The following EVI5 variants were observed in gnomAD, a reference collection of about 807,000 sequenced individuals.
EVI5 encodes the protein ecotropic viral integration site 5, also known as ecotropic viral integration site 5 protein homolog.
EVI5 carries 73 observed loss-of-function variants against 112.0 expected under a neutral mutation model. The ratio of observed to expected loss-of-function variants is 0.65; its 90% CI spans 0.54 to 0.79. The LOEUF (loss-of-function observed/expected upper bound fraction) is 0.79, where lower values mean the gene tolerates loss of function less well. Among genes scored for constraint, EVI5 ranks in the 30% least tolerant of loss-of-function variants. The pLI, the probability that EVI5 is intolerant of heterozygous loss-of-function variation, is 0.00. For missense variants in EVI5, 900 were observed against 968.8 expected (o/e 0.93, Z 0.94); for synonymous variants, 305 against 319.9 (o/e 0.95, Z 0.50).
At chr1:92,667,175 TTCAGGAGGC>T (rs1294792610) in intron 10 of EVI5, among the ~76,000 whole-genome samples, 1 of 152,030 alleles carries the variant, frequency 6.6e-6, no homozygotes, top group Non-Finnish European at 1.5e-5. Flanking sequence ...GTCCCAGCTA[TTCAGGAGGC>T]TCAGGGGGAA....
chr1:92,780,921 G>A (rs1486612678), intron 1 of EVI5, among the ~76,000 whole-genome samples: 8 of 150,474 alleles, frequency 5.3e-5, no homozygotes, highest in Admixed American at 1.3e-4. Flanking sequence ...GCACAATCTC[G>A]GCTCACTGCA....
intron 19 of EVI5, among the ~76,000 whole-genome samples, chr1:92,545,716 T>C (rs1665575016): frequency 1.3e-5 from 2 of 152,206 alleles, no homozygotes; most frequent in African/African-American, 4.8e-5. Context: ...TCAATCTCTA[T>C]GAATGTTATT....
At chr1:92,648,506 C>A (rs1366871439) in intron 13 of EVI5, among the ~76,000 whole-genome samples, 1 of 152,054 alleles carries the variant, frequency 6.6e-6, no homozygotes, top group Non-Finnish European at 1.5e-5. Context: ...TAAAGTAAAA[C>A]CCCTTACCTA....
chr1:92,632,974 T>C (rs1314909913), intron 14 of EVI5, among the ~76,000 whole-genome samples: 1 of 152,188 alleles, frequency 6.6e-6, no homozygotes, highest in African/African-American at 2.4e-5. Context: ...TTCCATGCAG[T>C]TGATCGGTTT....
chr1:92,572,639 G>C (rs1485844078), intron 18 of EVI5, among the ~76,000 whole-genome samples: 3 of 152,006 alleles, frequency 2.0e-5, no homozygotes, highest in African/African-American at 7.2e-5. Context: ...CCATTATGTA[G>C]TGGTGATAGG....
rs777440641 is a variant in EVI5, at chr1:92,625,937, AAAG to A, written c.1528-6_1528-4del. On this transcript the variant is annotated splice_polypyrimidine_tract_variant and splice_region_variant and intron_variant, in intron 14 of 19. Coordinates refer to ENST00000684568, the MANE Select transcript of EVI5 (RefSeq NM_001350197.2). ...TCATCAGGAAGGGAGTTATTCCTCT[AAAG>A]AAGAAGAAAATTTAATTTGGGATTT... 7.0e-6 allele frequency: 11 copies of A among 1,577,286 alleles called. No individual in the cohort carries two copies. Among genetic ancestry groups the A allele is most frequent in the Middle Eastern group, 1.7e-4 (1 of 5,942 alleles).
chr1:92,667,187 AG>A lies in EVI5; in HGVS notation c.1159-1196del, dbSNP rs1308790242. ...GTAGTCCCAGCTATTCAGGAGGCTC[AG>A]GGGGAAGACGGCCTCAGCCCTGGAA... On this transcript the variant is annotated intron_variant, in intron 10 of 19. Transcript: ENST00000684568. 2.0e-5 allele frequency among the ~76,000 whole-genome samples: 3 copies of A among 152,296 alleles called. No homozygotes were observed. In the East Asian group the frequency reaches 5.8e-4, roughly 29 times the overall value.
intron 1 of EVI5, among the ~76,000 whole-genome samples, chr1:92,747,440 G>A (rs927112903): frequency 1.3e-5 from 2 of 152,026 alleles, no homozygotes; most frequent in Non-Finnish European, 2.9e-5. Flanking sequence ...TAAGCCGGGT[G>A]TGGTGGCTCA....
chr1:92,681,023 GACAGCATATAT>G (rs993965055), intron 9 of EVI5, among the ~76,000 whole-genome samples: 8 of 152,246 alleles, frequency 5.3e-5, no homozygotes, highest in Admixed American at 5.2e-4. Flanking sequence ...ATATTATTGG[GACAGCATATAT>G]ACAGCATATA....
At chr1:92,549,016 C>CA (rs1366568606) in intron 19 of EVI5, among the ~76,000 whole-genome samples, 1 of 150,924 alleles carries the variant, frequency 6.6e-6, no homozygotes, top group East Asian at 1.9e-4. Flanking sequence ...CATATGGAAC[C>CA]AAAAAAAGAG....
intron 1 of EVI5, among the ~76,000 whole-genome samples, chr1:92,781,892 T>C (rs1039139851): frequency 7.0e-6 from 1 of 143,546 alleles, no homozygotes; most frequent in African/African-American, 2.6e-5. Flanking sequence ...GAGATCAAGA[T>C]TGCAGTGAGC....
intron 19 of EVI5, among the ~76,000 whole-genome samples, chr1:92,525,098 G>A (rs1452216777): frequency 6.6e-6 from 1 of 152,060 alleles, no homozygotes; most frequent in East Asian, 1.9e-4. Context: ...AAAGTGCTGG[G>A]ATTACACGCA....
intron 18 of EVI5, among the ~76,000 whole-genome samples, chr1:92,570,182 T>C (rs2100983027): frequency 6.6e-6 from 1 of 152,314 alleles, no homozygotes; most frequent in South Asian, 2.1e-4. Flanking sequence ...CCAAATCCCA[T>C]ATGTGACATA....
chr1:92,610,622 A>G (rs1651540672), intron 16 of EVI5, among the ~76,000 whole-genome samples: 1 of 152,214 alleles, frequency 6.6e-6, no homozygotes, highest in African/African-American at 2.4e-5. Context: ...GCAAATCAGA[A>G]AAATAACCAA....
At chr1:92,673,092 A>G (rs908287887) in intron 10 of EVI5, among the ~76,000 whole-genome samples, 1 of 152,074 alleles carries the variant, frequency 6.6e-6, no homozygotes, top group Non-Finnish European at 1.5e-5. Flanking sequence ...GTGACCCATC[A>G]TATATTAAGG....
intron 18 of EVI5, among the ~76,000 whole-genome samples, chr1:92,599,399 A>G (rs1648638527): frequency 6.6e-6 from 1 of 152,080 alleles, no homozygotes; most frequent in Non-Finnish European, 1.5e-5. Context: ...GAACTTGAAT[A>G]TGATCTAAGA....
intron 9 of EVI5, among the ~76,000 whole-genome samples, chr1:92,688,897 T>G (rs1475363612): frequency 6.6e-6 from 1 of 152,152 alleles, no homozygotes; most frequent in Non-Finnish European, 1.5e-5. Context: ...ATTGTTGAGT[T>G]TATTATATAT....
intron 19 of EVI5, among the ~76,000 whole-genome samples, chr1:92,519,108 T>G (rs145734012): frequency 9.1e-4 from 139 of 152,314 alleles, no homozygotes; most frequent in African/African-American, 3.2e-3. Context: ...AACCTTTTTA[T>G]GATTTATCTC....
At chr1:92,560,234 C>A (rs754616243) in intron 19 of EVI5, among the ~76,000 whole-genome samples, 1 of 152,186 alleles carries the variant, frequency 6.6e-6, no homozygotes, top group African/African-American at 2.4e-5. Flanking sequence ...CAACCTACAG[C>A]TACATTTTAA....
Sources: gnomAD v4.1 joint callset for allele counts (sites outside exome capture counted in the v4.1 genomes callset) on GRCh38, gnomAD v4.1.1 for gene constraint, MANE v1.5 for transcripts, NCBI Gene and HGNC (gene_info 2026-07-23, HGNC 2026-07-21) for gene names.